SP140L: variants seen among roughly 807,000 people sequenced by gnomAD.
SP140L encodes the protein SP140 like nuclear body protein, also known as nuclear body protein SP140-like protein.
SP140L carries 64 observed loss-of-function variants against 84.3 expected under a neutral mutation model. The ratio of observed to expected loss-of-function variants is 0.76; its 90% CI spans 0.62 to 0.94. The LOEUF (loss-of-function observed/expected upper bound fraction) is 0.94. Ranked by LOEUF, SP140L falls within the 40% of genes least tolerant of loss-of-function variation. The probability of loss-of-function intolerance (pLI) is 0.00; values close to 1 mark genes in which losing one functional copy is unlikely to be tolerated. For missense variants in SP140L, 628 were observed against 692.5 expected (o/e 0.91, Z 1.05); for synonymous variants, 242 against 236.9 (o/e 1.02, Z -0.20).
intron 15 of SP140L, chr2:230,400,570 A>AT: frequency 2.1e-6 from 1 of 471,012 alleles, no homozygotes. Context: ...AGTTGTTTAT[A>AT]TTTTGTGCTT....
chr2:230,357,693 T>A, intron 2 of SP140L, 112 bp from the exon 3 acceptor site: 1 of 1,075,964 alleles, frequency 9.3e-7, no homozygotes, highest in Non-Finnish European at 1.4e-6. Flanking sequence ...GGACCACCTA[T>A]TTTATATATG....
intron 14 of SP140L, among the ~76,000 whole-genome samples, chr2:230,399,477 C>A (rs1404385411): frequency 6.6e-6 from 1 of 152,188 alleles, no homozygotes; most frequent in Non-Finnish European, 1.5e-5. Context: ...CACCTTTGCA[C>A]CTTACAATCC....
chr2:230,392,262 C>A (rs938035530), intron 12 of SP140L, 33 bp downstream of exon 12: 6 of 1,610,890 alleles, frequency 3.7e-6, no homozygotes, highest in Non-Finnish European at 5.1e-6. Context: ...GACCTGTGCC[C>A]ATTCTTCTTG....
At chr2:230,330,873 G>A (rs994609339) in intron 2 of SP140L, among the ~76,000 whole-genome samples, 5 of 152,108 alleles carry the variant, frequency 3.3e-5, no homozygotes, top group African/African-American at 9.7e-5. Flanking sequence ...GAAATCTCAC[G>A]CTGTCCCTCT....
intron 2 of SP140L, among the ~76,000 whole-genome samples, chr2:230,343,659 A>ATAAGTTTTGGTGTGTTTTGTTTT (rs2060128353): frequency 8.5e-6 from 1 of 117,840 alleles, no homozygotes; most frequent in Admixed American, 8.5e-5. Flanking sequence ...GAATTGCCAC[A>ATAAGTTTTGGTGTGTTTTGTTTT]CTGTCTTCCA....
intron 7 of SP140L, among the ~76,000 whole-genome samples, chr2:230,378,151 T>G (rs1242351827): frequency 6.6e-6 from 1 of 152,190 alleles, no homozygotes; most frequent in Non-Finnish European, 1.5e-5. Context: ...ATTACTTGAC[T>G]TTTTTTCTGT....
At chr2:230,399,929 A>T in intron 14 of SP140L, 198 bp from the exon 15 acceptor site, 2 of 508,644 alleles carry the variant, frequency 3.9e-6, no homozygotes, top group Non-Finnish European at 7.2e-6. Flanking sequence ...TCTGACATAT[A>T]CCCCTTCCTC....
In SP140L at chr2:230,392,118, T is replaced by C; in HGVS notation, c.996T>C (p.Asp332=). ...GTLAKCIQTE[D]GKWFTPMEFE... is the part of the protein sequence containing the mutation. ...TGGCAAAGTGTATACAGACTGAGGA[T>C]GGAAAATGGTTCACCCCCATGGAAT... Residue 332 remains aspartate, a synonymous_variant, in exon 12 of 19, where the codon GAT becomes GAC. Coordinates refer to ENST00000415673, the MANE Select transcript of SP140L (RefSeq NM_138402.6). The C allele has an allele frequency of 1.2e-6, 2 of 1,613,940 alleles. No homozygotes were observed. The highest frequency in any genetic ancestry group is 4.5e-5 in the East Asian group (2 of 44,874).
intron 2 of SP140L, among the ~76,000 whole-genome samples, chr2:230,335,919 AG>A (rs1444973022): frequency 6.6e-6 from 1 of 152,218 alleles, no homozygotes; most frequent in African/African-American, 2.4e-5. Flanking sequence ...AAAGTACAGA[AG>A]ATTTATTGCA....
chr2:230,356,347 T>C (rs73110363), intron 2 of SP140L, among the ~76,000 whole-genome samples: 3,863 of 152,210 alleles, frequency 0.025, 192 homozygotes, highest in African/African-American at 0.088. Context: ...TCCACTCCAA[T>C]GTCCATCAAG....
intron 4 of SP140L, 31 bp from the exon 5 acceptor site, chr2:230,361,583 T>G: frequency 6.6e-7 from 1 of 1,519,552 alleles, no homozygotes; most frequent in Non-Finnish European, 8.9e-7. Context: ...CACAGATCTT[T>G]AATTGCTTTC....
At chr2:230,349,030 A>G (rs756929878) in intron 2 of SP140L, among the ~76,000 whole-genome samples, 2 of 152,250 alleles carry the variant, frequency 1.3e-5, no homozygotes, top group Non-Finnish European at 2.9e-5. Flanking sequence ...ATTTAGATCC[A>G]TGATCCATTT....
intron 5 of SP140L, among the ~76,000 whole-genome samples, chr2:230,362,978 A>G (rs958144912): frequency 6.6e-6 from 1 of 152,178 alleles, no homozygotes; most frequent in African/African-American, 2.4e-5. Context: ...ATGTGAACAG[A>G]TGTGGAGTGG....
intron 5 of SP140L, among the ~76,000 whole-genome samples, chr2:230,369,249 C>T (rs1469005403): frequency 6.6e-6 from 1 of 152,212 alleles, no homozygotes; most frequent in Non-Finnish European, 1.5e-5. Context: ...CAGGGATCTA[C>T]ACCACTGGTG....
intron 1 of SP140L, 49 bp from the exon 2 acceptor site, chr2:230,328,708 G>A (rs779108850): frequency 1.3e-6 from 2 of 1,589,122 alleles, no homozygotes; most frequent in Admixed American, 1.8e-5. Context: ...TTGAAGCAAA[G>A]GGTGCTGTTA....
Position 230,385,304 on chromosome 2 carries a change from G to A in SP140L, c.784G>A (p.Gly262Arg). ...MNLKDLSKIR[G>R]RKRGKPGTHF... The stretch of plus-strand genomic sequence containing the variant: ...TCTGAAAGACCTTTCCAAGATTAGG[G>A]GTAAGATAAAGTTGGTACCACTTTT... Residue 262 changes from glycine to arginine, a missense_variant and splice_region_variant, in exon 9 of 19, where the codon GGG becomes AGG. By Grantham distance (125) the Gly-to-Arg change is moderately radical. Coordinates refer to ENST00000415673, the MANE Select transcript of SP140L (RefSeq NM_138402.6). The A allele has an allele frequency of 6.2e-7, 1 of 1,613,438 alleles. No individual in the cohort carries two copies. Among genetic ancestry groups the A allele is most frequent in the South Asian group, 1.1e-5 (1 of 91,060 alleles).
chr2:230,393,395 T>A lies in SP140L; in HGVS notation c.1108-19T>A. ...AGAAACGCAGGCTGACTATGTACCT[T>A]GGTCTTTTTATCTTTCAGGAAGGAT... On this transcript the variant is annotated intron_variant, in intron 12 of 18. Coordinates refer to ENST00000415673, the MANE Select transcript of SP140L (RefSeq NM_138402.6). 1 of 1,579,008 alleles carries A rather than the reference T, an allele frequency of 6.3e-7. No homozygotes were observed. The highest frequency in any genetic ancestry group is 8.6e-7 in the Non-Finnish European group (1 of 1,164,128).
intron 10 of SP140L, 130 bp downstream of exon 10, chr2:230,388,763 ATC>A (rs2061689700): frequency 3.9e-6 from 3 of 777,078 alleles, no homozygotes; most frequent in Non-Finnish European, 5.6e-6. Flanking sequence ...TGAAAAACAT[ATC>A]TTATTAAGTC....
Position 230,383,691 on chromosome 2 carries a change from G to A in SP140L, c.703+116G>A, listed in dbSNP as rs146919264. 5,244 of 978,584 alleles carry A rather than the reference G, an allele frequency of 5.4e-3. 19 individuals are homozygous for A. Among genetic ancestry groups the A allele is most frequent in the Non-Finnish European group, 6.6e-3 (4,433 of 672,064 alleles). 60.6% of individuals were successfully genotyped at this position (978,584 alleles called of 1,614,324 possible). A position where few individuals can be genotyped will look rare whatever the true frequency, so the allele number is the denominator to read the frequency against. Reference sequence around the variant, plus strand: ...GGAGAGTTCTGTACTTCCTGTATCCGTTAGGATGTAGACCAACAGGCTGTG... The same window carrying A: ...GGAGAGTTCTGTACTTCCTGTATCCATTAGGATGTAGACCAACAGGCTGTG... On this transcript the variant is annotated intron_variant, in intron 8 of 18. Transcript: ENST00000415673.
Sources: allele counts gnomAD v4.1 joint callset (sites outside exome capture counted in the v4.1 genomes callset), GRCh38; gene constraint gnomAD v4.1.1; transcripts MANE v1.5; gene names NCBI Gene and HGNC (gene_info 2026-07-23, HGNC 2026-07-21).